MDGA2: variants seen among roughly 807,000 people sequenced by gnomAD.
MDGA2 encodes MAM domain containing glycosylphosphatidylinositol anchor 2, also known as MAM domain-containing glycosylphosphatidylinositol anchor protein 2.
Under a neutral mutation model 117.8 loss-of-function variants are expected in MDGA2, and 40 were observed. The ratio of observed to expected loss-of-function variants is 0.34; its 90% CI spans 0.26 to 0.44. The LOEUF (loss-of-function observed/expected upper bound fraction) is 0.44. Ranked by LOEUF, MDGA2 falls within the 20% of genes least tolerant of loss-of-function variation. The probability of loss-of-function intolerance (pLI) is 1.00; values close to 1 mark genes in which losing one functional copy is unlikely to be tolerated. For synonymous variants in MDGA2, 452 were observed against 439.0 expected (o/e 1.03, Z -0.37); for missense variants, 1,123 against 1,250.6 (o/e 0.90, Z 1.54).
intron 1 of MDGA2, among the ~76,000 whole-genome samples, chr14:47,420,602 A>G (rs1258310720): frequency 6.6e-6 from 1 of 152,114 alleles, no homozygotes; most frequent in African/African-American, 2.4e-5. Flanking sequence ...AAATGGACAC[A>G]TGTGGCCAGA....
At chr14:46,905,112 T>C (rs1883438486) in intron 10 of MDGA2, among the ~76,000 whole-genome samples, 1 of 152,240 alleles carries the variant, frequency 6.6e-6, no homozygotes, top group South Asian at 2.1e-4. Context: ...TGATTATCTT[T>C]TATTTCATAT....
rs901807385 is a variant in MDGA2 at position 47,674,711 on chromosome 14, C to G, written c.86G>C (p.Arg29Pro). The change falls in exon 1 of 17, where the codon CGA (arginine) becomes CCA (proline). Residue 29 changes from arginine (R) to proline (P), a missense_variant. This residue lies in a region of MDGA2 where 233 missense variants were observed against 200.3 expected (regional missense o/e 1.16). Coordinates refer to ENST00000399232, the MANE Select transcript of MDGA2 (RefSeq NM_001113498.3). ...CAAGCCGAGGTGCCCGGGAACCGCT[C>G]GCCGAAGGAGGAAGCGCCGTCCGTC... The part of the protein sequence containing the change: ...RTDGRRFLLR[R>P]AVPGHLGLAR... The G allele has an allele frequency of 1.9e-5, 18 of 938,612 alleles. No homozygotes were observed. In the African/African-American group the frequency reaches 2.3e-4, roughly 12 times the overall value. 58.1% of individuals were successfully genotyped at this position (938,612 alleles called of 1,614,324 possible).
At chr14:47,511,114 A>G (rs1955781) in intron 1 of MDGA2, among the ~76,000 whole-genome samples, 113,913 of 152,130 alleles carry the variant, frequency 0.75, 43,076 homozygotes, top group East Asian at 1. Flanking sequence ...CAAAAACTAT[A>G]TTTCATTCAT....
At position 47,598,306 on chromosome 14, in the gene MDGA2, G is replaced by A. The variant is rs568444026; in HGVS notation, c.280+76211C>T. Among the ~76,000 whole-genome samples, 17 of 152,236 alleles carry A rather than the reference G, an allele frequency of 1.1e-4. No homozygotes were observed. In the South Asian group the frequency reaches 2.9e-3, roughly 26 times the overall value. On this transcript the variant is annotated intron_variant, in intron 1 of 16. Transcript: ENST00000399232. Reference sequence around the variant, plus strand: ...TAAACATAGAACTACTACATAGCCCGTCAATTCTACTCCCAGGTACATATT... The same window carrying A: ...TAAACATAGAACTACTACATAGCCCATCAATTCTACTCCCAGGTACATATT...
At chr14:46,952,848 T>A (rs1016578571) in intron 9 of MDGA2, among the ~76,000 whole-genome samples, 3 of 151,962 alleles carry the variant, frequency 2.0e-5, no homozygotes, top group Non-Finnish European at 2.9e-5. Flanking sequence ...ATGCTATATA[T>A]TTTATTTTAA....
intron 1 of MDGA2, among the ~76,000 whole-genome samples, chr14:47,320,720 T>G (rs1889954424): frequency 6.6e-6 from 1 of 152,206 alleles, no homozygotes; most frequent in Non-Finnish European, 1.5e-5. Flanking sequence ...CCAATTTTAT[T>G]GTACCTTAAA....
intron 8 of MDGA2, among the ~76,000 whole-genome samples, chr14:46,975,842 A>G (rs1187039482): frequency 6.6e-6 from 1 of 152,118 alleles, no homozygotes; most frequent in Non-Finnish European, 1.5e-5. Context: ...TTCCTGGTTC[A>G]GACATAAGGC....
At chr14:47,388,045 T>C (rs781433724) in intron 1 of MDGA2, among the ~76,000 whole-genome samples, 1 of 152,236 alleles carries the variant, frequency 6.6e-6, no homozygotes, top group Non-Finnish European at 1.5e-5. Flanking sequence ...ACGAAAATGA[T>C]GACAAACACT....
At chr14:47,250,765 T>A (rs1334512197) in intron 2 of MDGA2, among the ~76,000 whole-genome samples, 2 of 152,232 alleles carry the variant, frequency 1.3e-5, no homozygotes, top group Non-Finnish European at 2.9e-5. Context: ...CACACAGATA[T>A]GTGTCTTTTG....
At chr14:46,969,023 G>C (rs1447183216) in intron 8 of MDGA2, among the ~76,000 whole-genome samples, 1 of 152,086 alleles carries the variant, frequency 6.6e-6, no homozygotes, top group Non-Finnish European at 1.5e-5. Flanking sequence ...CCTTGGAATA[G>C]TTTGCTGAGA....
chr14:47,464,649 G>A (rs766120094), intron 1 of MDGA2, among the ~76,000 whole-genome samples: 4 of 152,004 alleles, frequency 2.6e-5, no homozygotes, highest in Non-Finnish European at 4.4e-5. Flanking sequence ...TCCACAATGA[G>A]AATCACCAAA....
At chr14:47,136,788 C>T (rs1882479869) in intron 4 of MDGA2, among the ~76,000 whole-genome samples, 1 of 152,170 alleles carries the variant, frequency 6.6e-6, no homozygotes, top group African/African-American at 2.4e-5. Flanking sequence ...ATAGAGCACA[C>T]AGTAAGGTTT....
intron 1 of MDGA2, among the ~76,000 whole-genome samples, chr14:47,492,013 C>T (rs1385274085): frequency 1.3e-5 from 2 of 151,996 alleles, no homozygotes; most frequent in South Asian, 2.1e-4. Context: ...GTTTGGTCGG[C>T]AAATATATTT....
intron 3 of MDGA2, among the ~76,000 whole-genome samples, chr14:47,187,917 TTGTGTG>T (rs34044843): frequency 9.4e-5 from 14 of 148,752 alleles, no homozygotes; most frequent in African/African-American, 3.4e-4. Context: ...TTAAAGTAGG[TTGTGTG>T]TGTGTGTGTG....
chr14:47,656,009 T>A (rs1380958977), intron 1 of MDGA2, among the ~76,000 whole-genome samples: 1 of 152,204 alleles, frequency 6.6e-6, no homozygotes, highest in African/African-American at 2.4e-5. Flanking sequence ...TCAGCAAGCC[T>A]GTGCCATTTG....
At chr14:47,161,911 C>G (rs936264412) in intron 3 of MDGA2, among the ~76,000 whole-genome samples, 1 of 129,444 alleles carries the variant, frequency 7.7e-6, no homozygotes, top group Admixed American at 8.4e-5. Context: ...GATTTAAACA[C>G]CCCCCTCCCC....
In MDGA2 at chr14:47,070,570, C is replaced by T. The variant is rs1036452492; in HGVS notation, c.1196-8992G>A. Among the ~76,000 whole-genome samples, 4 of 151,974 alleles carry T rather than the reference C, an allele frequency of 2.6e-5. No individual in the cohort carries two copies. The East Asian group carries it at 7.8e-4, about 30-fold the overall frequency. On this transcript the variant is annotated intron_variant, in intron 6 of 16. Coordinates refer to ENST00000399232, the MANE Select transcript of MDGA2 (RefSeq NM_001113498.3). ...ATGTTTTAATCACATTGACCAACCT[C>T]TCCCATAAAGTCTTCCAGTACTTTT...
rs139068012 is a variant in MDGA2, at chr14:47,154,328, C to T, written c.596-10054G>A. ...TTTGGAGTGGCTGCTGCAAAGACGA[C>T]GACCGCAGTGGGGGAGATGCAGCTA... On this transcript the variant is annotated intron_variant, in intron 3 of 16. Transcript: ENST00000399232. Among the ~76,000 whole-genome samples the T allele has an allele frequency of 4.1e-3, 619 of 152,302 alleles. 4 individuals are homozygous for T. The highest frequency in any genetic ancestry group is 0.014 in the African/African-American group (581 of 41,562).
At chr14:46,895,455 G>A (rs1179305425) in intron 10 of MDGA2, among the ~76,000 whole-genome samples, 4 of 152,162 alleles carry the variant, frequency 2.6e-5, no homozygotes, top group African/African-American at 9.7e-5. Flanking sequence ...GCCAGGCGCG[G>A]TGCCTCATGC....
Sources: allele counts gnomAD v4.1 joint callset (sites outside exome capture counted in the v4.1 genomes callset), GRCh38; gene constraint gnomAD v4.1.1; regional missense constraint gnomAD v4.1.1; transcripts MANE v1.5; gene names NCBI Gene and HGNC (gene_info 2026-07-23, HGNC 2026-07-21).